The following ABHD12 variants were observed in gnomAD, a reference collection of about 807,000 sequenced individuals.
The protein encoded by ABHD12 is abhydrolase domain containing 12, lysophospholipase, also known as lysophosphatidylserine lipase ABHD12.
A neutral mutation model predicts 58.3 loss-of-function variants in ABHD12; 43 were observed. The ratio of observed to expected loss-of-function variants is 0.74; its 90% CI spans 0.58 to 0.95. The LOEUF is 0.95. Among genes scored for constraint, ABHD12 ranks in the 40% least tolerant of loss-of-function variants. The pLI is 0.00. For missense variants in ABHD12, 539 were observed against 537.2 expected (o/e 1.00, Z -0.03); for synonymous variants, 219 against 211.2 (o/e 1.04, Z -0.32).
At chr20:25,353,261 TC>T (rs1555820261) in intron 1 of ABHD12, among the ~76,000 whole-genome samples, 3 of 52,484 alleles carry the variant, frequency 5.7e-5, no homozygotes, top group Admixed American at 6.2e-4. Context: ...TTTGTTTGTT[TC>T]TGTTTTTTTT....
In ABHD12 at chr20:25,304,977, C is replaced by T. The variant is rs563964492; in HGVS notation, c.951-1349G>A. On this transcript the variant is annotated intron_variant, in intron 10 of 12. Transcript: ENST00000339157. ...CATGATCTTGGCTCACTGCAACCTC[C>T]GCCTCCTGCCTCAGCCTCCCGAGTA... Among the ~76,000 whole-genome samples, 22 of 148,870 alleles carry T rather than the reference C, an allele frequency of 1.5e-4. No individual in the cohort carries two copies. In the South Asian group the frequency reaches 4.1e-3, roughly 28 times the overall value.
intron 1 of ABHD12, among the ~76,000 whole-genome samples, chr20:25,388,038 C>CAAAAAA (rs748581834): frequency 1.7e-5 from 1 of 58,130 alleles, no homozygotes; most frequent in Non-Finnish European, 3.6e-5. Flanking sequence ...GACTCCTTCT[C>CAAAAAA]AAAAAAAAAA....
chr20:25,338,922 T>C (rs1352876191), intron 2 of ABHD12: 7 of 1,200,096 alleles, frequency 5.8e-6, no homozygotes, highest in Non-Finnish European at 7.3e-6. Context: ...CCCAGGGCAG[T>C]GTAGTCTTCT....
At chr20:25,303,894 G>T (rs2088686566) in intron 10 of ABHD12, among the ~76,000 whole-genome samples, 2 of 152,134 alleles carry the variant, frequency 1.3e-5, no homozygotes, top group African/African-American at 2.4e-5. Context: ...TTTTCCACCA[G>T]ATATATATAT....
intron 1 of ABHD12, among the ~76,000 whole-genome samples, chr20:25,385,794 T>C (rs942665333): frequency 6.6e-6 from 1 of 152,132 alleles, no homozygotes; most frequent in Admixed American, 6.6e-5. Context: ...ATTCTTAAGC[T>C]GGCTAAAAGT....
At chr20:25,354,749 G>GA (rs1006811747) in intron 1 of ABHD12, among the ~76,000 whole-genome samples, 9 of 150,126 alleles carry the variant, frequency 6.0e-5, no homozygotes, top group South Asian at 2.1e-4. Context: ...GTTATAATTA[G>GA]AAAAAAAAAT....
At chr20:25,317,334 T>C (rs1303184765) in intron 4 of ABHD12, among the ~76,000 whole-genome samples, 2 of 152,010 alleles carry the variant, frequency 1.3e-5, no homozygotes, top group Non-Finnish European at 1.5e-5. Context: ...AGCCCCAAAC[T>C]AGAAAGACAC....
At chr20:25,320,433 C>T in intron 3 of ABHD12, 115 bp from the exon 4 acceptor site, 2 of 1,392,960 alleles carry the variant, frequency 1.4e-6, no homozygotes, top group South Asian at 1.2e-5. Context: ...GAGCTGCAGA[C>T]CCCATCTAAC....
chr20:25,353,634 AC>A (rs1276440367), intron 1 of ABHD12, among the ~76,000 whole-genome samples: 1 of 151,966 alleles, frequency 6.6e-6, no homozygotes, highest in East Asian at 1.9e-4. Context: ...GTTAGCTTCT[AC>A]CCCCGGCAGG....
intron 6 of ABHD12, among the ~76,000 whole-genome samples, chr20:25,313,422 A>G (rs1343468784): frequency 6.6e-6 from 1 of 151,846 alleles, no homozygotes; most frequent in Non-Finnish European, 1.5e-5. Context: ...CCTAATCTCA[A>G]GTACCCAGGG....
At chr20:25,320,376 G>C (rs1204607815) in intron 3 of ABHD12, 58 bp from the exon 4 acceptor site, 1 of 1,605,918 alleles carries the variant, frequency 6.2e-7, no homozygotes, top group Non-Finnish European at 8.5e-7. Flanking sequence ...CCTCATCCTG[G>C]CGACTGCACG....
chr20:25,388,389 C>CT (rs2146151426), intron 1 of ABHD12, among the ~76,000 whole-genome samples: 1 of 152,286 alleles, frequency 6.6e-6, no homozygotes, highest in African/African-American at 2.4e-5. Flanking sequence ...TCTCATGGCG[C>CT]TTCCATTCTG....
At chr20:25,316,160 CCTT>C (rs1181814043) in intron 5 of ABHD12, among the ~76,000 whole-genome samples, 1 of 150,066 alleles carries the variant, frequency 6.7e-6, no homozygotes, top group Admixed American at 6.6e-5. Context: ...TTTCTCTTTT[CCTT>C]TTTTTTTGTT....
intron 1 of ABHD12, among the ~76,000 whole-genome samples, chr20:25,353,853 C>T (rs1238849001): frequency 2.6e-5 from 4 of 152,336 alleles, no homozygotes; most frequent in South Asian, 4.1e-4. Flanking sequence ...CCAAACTCAA[C>T]GTCAGGCCGT....
chr20:25,329,313 C>T (rs1450369005), intron 2 of ABHD12, among the ~76,000 whole-genome samples: 6 of 152,244 alleles, frequency 3.9e-5, no homozygotes, highest in South Asian at 4.1e-4. Flanking sequence ...GGCTCCCTCT[C>T]GCAGGCTCTT....
At chr20:25,340,724 G>C (rs982008986) in intron 1 of ABHD12, among the ~76,000 whole-genome samples, 22 of 152,250 alleles carry the variant, frequency 1.4e-4, no homozygotes, top group Non-Finnish European at 2.9e-4. Flanking sequence ...GGACTGTTAT[G>C]TTAAATAAGA....
At chr20:25,375,660 CCTTT>C (rs762459719) in intron 1 of ABHD12, among the ~76,000 whole-genome samples, 29 of 151,136 alleles carry the variant, frequency 1.9e-4, no homozygotes, top group Non-Finnish European at 3.4e-4. Context: ...GGGCTCACTT[CCTTT>C]GTCTGTCACT....
At chr20:25,342,547 T>G (rs550247380) in intron 1 of ABHD12, among the ~76,000 whole-genome samples, 7 of 152,098 alleles carry the variant, frequency 4.6e-5, no homozygotes, top group Non-Finnish European at 8.8e-5. Context: ...TCCAACAGCA[T>G]GTGCTCACTT....
At chr20:25,329,676 G>A (rs1163146721) in intron 2 of ABHD12, among the ~76,000 whole-genome samples, 1 of 152,204 alleles carries the variant, frequency 6.6e-6, no homozygotes, top group Non-Finnish European at 1.5e-5. Context: ...AGTGCTGAGG[G>A]TCTGAACAGG....
Sources: allele counts gnomAD v4.1 joint callset (sites outside exome capture counted in the v4.1 genomes callset), GRCh38; gene constraint gnomAD v4.1.1; transcripts MANE v1.5; gene names NCBI Gene and HGNC (gene_info 2026-07-23, HGNC 2026-07-21).